Variants in SLC25A26 observed in about 807,000 individuals in gnomAD.
SLC25A26 encodes the protein solute carrier family 25 member 26, also known as mitochondrial S-adenosylmethionine carrier protein.
A neutral mutation model predicts 37.8 loss-of-function variants in SLC25A26; 36 were observed. The observed-to-expected ratio is 0.95, with a 90% CI of 0.73 to 1.26. SLC25A26 has a LOEUF of 1.26. SLC25A26 is among the 50% of genes most tolerant of loss of function. The pLI is 0.00. For missense variants in SLC25A26, 390 were observed against 331.1 expected (o/e 1.18, Z -1.38); for synonymous variants, 129 against 122.5 (o/e 1.05, Z -0.35).
At chr3:66,359,011 A>AT (rs1336201238) in intron 6 of SLC25A26, among the ~76,000 whole-genome samples, 2 of 152,034 alleles carry the variant, frequency 1.3e-5, no homozygotes, top group Non-Finnish European at 2.9e-5. Flanking sequence ...TCTTCTAGAG[A>AT]TTTTTTGTTT....
rs73835525 is a variant in SLC25A26 at position 66,145,346 on chromosome 3, A to C, written c.-354+11362A>C. ...AGATCACTCTGAATAACTTGGGCCA[A>C]TAAAGGCAGTCATACTTATTTCAAA... On this transcript the variant is annotated intron_variant, in intron 1 of 10. Coordinates refer to the SLC25A26 transcript ENST00000676754. 7.9e-3 allele frequency among the ~76,000 whole-genome samples: 1,197 copies of C among 152,326 alleles called. 14 individuals carry two copies. Among genetic ancestry groups the C allele is most frequent in the African/African-American group, 0.027 (1,131 of 41,572 alleles).
chr3:66,239,145 A>G (rs1382668792), intron 2 of SLC25A26, among the ~76,000 whole-genome samples: 1 of 151,946 alleles, frequency 6.6e-6, no homozygotes, highest in Non-Finnish European at 1.5e-5. Flanking sequence ...CTCCCTTGTC[A>G]TTTGACACTG....
intron 5 of SLC25A26, among the ~76,000 whole-genome samples, chr3:66,319,193 T>C (rs2075623631): frequency 6.6e-6 from 1 of 152,224 alleles, no homozygotes; most frequent in African/African-American, 2.4e-5. Context: ...GAAGTGTATA[T>C]GATGGCATAG....
intron 3 of SLC25A26, among the ~76,000 whole-genome samples, chr3:66,248,155 G>A (rs9864120): frequency 0.011 from 1,660 of 152,280 alleles, 36 homozygotes; most frequent in African/African-American, 0.038. Context: ...AAAGAACAGT[G>A]CCAAAATAAT....
At chr3:66,322,109 A>G (rs2075710608) in intron 5 of SLC25A26, among the ~76,000 whole-genome samples, 1 of 152,146 alleles carries the variant, frequency 6.6e-6, no homozygotes. Flanking sequence ...AATCATAGCA[A>G]ATTTGCTTTA....
At chr3:66,301,651 G>A (rs757992470) in intron 5 of SLC25A26, among the ~76,000 whole-genome samples, 17 of 152,142 alleles carry the variant, frequency 1.1e-4, no homozygotes, top group Non-Finnish European at 2.1e-4. Context: ...GTGTTTAGAC[G>A]GAGTACCTTA....
intron 5 of SLC25A26, among the ~76,000 whole-genome samples, chr3:66,344,912 C>T (rs1035864712): frequency 1.3e-5 from 2 of 152,218 alleles, no homozygotes; most frequent in African/African-American, 4.8e-5. Flanking sequence ...TACCTCCTAA[C>T]TGCCTTTAGG....
At chr3:66,197,334 G>T (rs2071058419) in intron 1 of SLC25A26, among the ~76,000 whole-genome samples, 1 of 152,096 alleles carries the variant, frequency 6.6e-6, no homozygotes. Flanking sequence ...ATAAGTTCAG[G>T]GTAAGGGTGA....
At chr3:66,290,483 C>T (rs56786178) in intron 5 of SLC25A26, among the ~76,000 whole-genome samples, 10,114 of 152,108 alleles carry the variant, frequency 0.066, 381 homozygotes, top group African/African-American at 0.081. Context: ...TTTTGAGATA[C>T]GTCCCATCAA....
intron 5 of SLC25A26, among the ~76,000 whole-genome samples, chr3:66,338,076 G>T (rs1241948429): frequency 6.6e-6 from 1 of 151,722 alleles, no homozygotes; most frequent in Non-Finnish European, 1.5e-5. Flanking sequence ...GCCTTTTCTG[G>T]AATTTTATAT....
chr3:66,143,427 C>T (rs1327781682), intron 1 of SLC25A26, among the ~76,000 whole-genome samples: 1 of 152,170 alleles, frequency 6.6e-6, no homozygotes, highest in Non-Finnish European at 1.5e-5. Flanking sequence ...TGCAGTGTTC[C>T]CTGTAGTGCT....
chr3:66,200,041 C>G (rs1429788039), intron 1 of SLC25A26, among the ~76,000 whole-genome samples: 1 of 152,170 alleles, frequency 6.6e-6, no homozygotes, highest in Non-Finnish European at 1.5e-5. Context: ...CTTGCCTAAA[C>G]TTTTGCTGCT....
intron 5 of SLC25A26, among the ~76,000 whole-genome samples, chr3:66,311,857 T>C (rs2075387665): frequency 1.3e-5 from 2 of 152,280 alleles, no homozygotes; most frequent in Admixed American, 1.3e-4. Flanking sequence ...TGCTCCTTCC[T>C]CTGAAAGCTT....
chr3:66,337,466 T>C (rs116470624), intron 5 of SLC25A26, among the ~76,000 whole-genome samples: 4,597 of 152,160 alleles, frequency 0.03, 235 homozygotes, highest in African/African-American at 0.1. Flanking sequence ...ATTATGAAAT[T>C]CTCTGCATTA....
intron 5 of SLC25A26, among the ~76,000 whole-genome samples, chr3:66,282,232 C>T (rs897089582): frequency 7.3e-5 from 11 of 151,592 alleles, no homozygotes; most frequent in African/African-American, 1.5e-4. Flanking sequence ...AGGATGGTCT[C>T]GATCTCCTGA....
At chr3:66,137,217 CTTT>C (rs528438794) in intron 1 of SLC25A26, among the ~76,000 whole-genome samples, 8 of 118,826 alleles carry the variant, frequency 6.7e-5, no homozygotes, top group Non-Finnish European at 6.9e-5. Flanking sequence ...GATTTTCTTT[CTTT>C]TTTTTTTTTT....
intron 5 of SLC25A26, among the ~76,000 whole-genome samples, chr3:66,329,149 A>G (rs1481393560): frequency 6.6e-6 from 1 of 152,198 alleles, no homozygotes; most frequent in Admixed American, 6.5e-5. Flanking sequence ...GGAATTTCAT[A>G]TTAAGTCGGT....
At chr3:66,184,585 C>CTGCTCACCTTGAGTCTACTATGTATTACA (rs2070780208) in intron 1 of SLC25A26, among the ~76,000 whole-genome samples, 1 of 128,136 alleles carries the variant, frequency 7.8e-6, no homozygotes. Flanking sequence ...TCACCTGACT[C>CTGCTCACCTTGAGTCTACTATGTATTACA]TGCTCACCTT....
At chr3:66,156,933 T>C (rs1241495772) in intron 1 of SLC25A26, among the ~76,000 whole-genome samples, 1 of 152,058 alleles carries the variant, frequency 6.6e-6, no homozygotes, top group Non-Finnish European at 1.5e-5. Flanking sequence ...TCCGTCACCA[T>C]CCTCAGAAAC....
Sources: gnomAD v4.1 joint callset for allele counts (sites outside exome capture counted in the v4.1 genomes callset) on GRCh38, gnomAD v4.1.1 for gene constraint, MANE v1.5 for transcripts, NCBI Gene and HGNC (gene_info 2026-07-23, HGNC 2026-07-21) for gene names.